The following GNB1 variants were observed in gnomAD, a reference collection of about 807,000 sequenced individuals.
GNB1 encodes the protein G protein subunit beta 1, also known as guanine nucleotide-binding protein G(I)/G(S)/G(T) subunit beta-1.
Under a neutral mutation model 42.9 loss-of-function variants are expected in GNB1, and 2 were observed. The ratio of observed to expected loss-of-function variants is 0.05; its 90% CI spans 0.02 to 0.15. The LOEUF (loss-of-function observed/expected upper bound fraction) is 0.15. Ranked by LOEUF, GNB1 falls within the 10% of genes least tolerant of loss-of-function variation. The pLI, the probability that GNB1 is intolerant of heterozygous loss-of-function variation, is 1.00. For missense variants in GNB1, 193 were observed against 462.2 expected (o/e 0.42, Z 5.34); for synonymous variants, 183 against 174.7 (o/e 1.05, Z -0.38).
At chr1:1,883,549 T>C (rs1418669921) in intron 1 of GNB1, among the ~76,000 whole-genome samples, 2 of 152,202 alleles carry the variant, frequency 1.3e-5, no homozygotes, top group Non-Finnish European at 2.9e-5. Context: ...AGCTAATCCT[T>C]GCACTGAGCT....
chr1:1,847,248 G>C (rs1048070649), intron 1 of GNB1, among the ~76,000 whole-genome samples: 1 of 152,178 alleles, frequency 6.6e-6, no homozygotes, highest in Admixed American at 6.5e-5. Flanking sequence ...AAGGGGAAGA[G>C]ATAAACACCA....
At chr1:1,804,964 A>G (rs952524795) in intron 6 of GNB1, among the ~76,000 whole-genome samples, 28 of 151,980 alleles carry the variant, frequency 1.8e-4, no homozygotes. Context: ...GTTCAAGACC[A>G]GCTTAGCCAA....
At chr1:1,849,370 A>G (rs1360013052) in intron 1 of GNB1, among the ~76,000 whole-genome samples, 2 of 152,220 alleles carry the variant, frequency 1.3e-5, no homozygotes, top group Non-Finnish European at 2.9e-5. Flanking sequence ...TCCATCTCAC[A>G]GGGCAGATCT....
intron 5 of GNB1, among the ~76,000 whole-genome samples, chr1:1,808,453 G>GT (rs1436106574): frequency 6.6e-6 from 1 of 152,148 alleles, no homozygotes; most frequent in African/African-American, 2.4e-5. Flanking sequence ...TGGGTGAAAG[G>GT]TAACTCCTGG....
chr1:1,812,239 C>T (rs564916325), intron 5 of GNB1, among the ~76,000 whole-genome samples: 1 of 151,798 alleles, frequency 6.6e-6, no homozygotes. Context: ...AGGAGAAATA[C>T]CTATGTAAAT....
intron 1 of GNB1, among the ~76,000 whole-genome samples, chr1:1,867,326 A>C (rs1648999068): frequency 6.6e-6 from 1 of 152,362 alleles, no homozygotes; most frequent in East Asian, 1.9e-4. Context: ...CACAGGCCTC[A>C]GGTTGGACAA....
chr1:1,852,279 A>C (rs1291846049), intron 1 of GNB1, among the ~76,000 whole-genome samples: 1 of 151,934 alleles, frequency 6.6e-6, no homozygotes, highest in African/African-American at 2.4e-5. Flanking sequence ...CCCAGGCTGG[A>C]ATGCAGTGGC....
At chr1:1,883,873 G>A (rs963171173) in intron 1 of GNB1, among the ~76,000 whole-genome samples, 1 of 151,870 alleles carries the variant, frequency 6.6e-6, no homozygotes, top group Non-Finnish European at 1.5e-5. Flanking sequence ...TCACTCCCTA[G>A]ATTTTAGGAA....
Position 1,817,874 on chromosome 1 carries a change from T to A in GNB1, c.59A>T (p.Asp20Val). 6.2e-7 allele frequency: 1 copy of A among 1,610,462 alleles called. No homozygotes were observed. The highest frequency in any genetic ancestry group is 8.5e-7 in the Non-Finnish European group (1 of 1,176,740). ...EAEQLKNQIRDARKACADATL... is the reference protein window; with the variant it reads ...EAEQLKNQIRVARKACADATL... ...TGCATCTGCACATGCTTTCCTGGCG[T>A]CCTGGGAAGCAAGGACAGTGAGAAA... The change falls in exon 4 of 12, where the codon GAC becomes GTC. Residue 20 changes from aspartate to valine, a missense_variant and splice_region_variant. Coordinates refer to ENST00000378609, the MANE Select transcript of GNB1 (RefSeq NM_002074.5).
intron 7 of GNB1, among the ~76,000 whole-genome samples, chr1:1,800,794 T>C (rs934036563): frequency 1.5e-4 from 18 of 119,796 alleles, no homozygotes; most frequent in Admixed American, 3.3e-4. Flanking sequence ...AAAAAAAGAG[T>C]CAACCCATAA....
At chr1:1,836,143 G>C (rs1430366707) in intron 2 of GNB1, among the ~76,000 whole-genome samples, 2 of 151,928 alleles carry the variant, frequency 1.3e-5, no homozygotes, top group East Asian at 3.9e-4. Flanking sequence ...TTTTCAAAAT[G>C]GTTATGCTGG....
At chr1:1,827,977 A>C (rs1465387456) in intron 2 of GNB1, among the ~76,000 whole-genome samples, 7 of 152,198 alleles carry the variant, frequency 4.6e-5, no homozygotes, top group Non-Finnish European at 7.3e-5. Flanking sequence ...TAAAAACAAC[A>C]AACTCCTGGG....
intron 2 of GNB1, among the ~76,000 whole-genome samples, chr1:1,828,360 G>C (rs1274528235): frequency 1.3e-5 from 2 of 152,170 alleles, no homozygotes; most frequent in Admixed American, 6.5e-5. Context: ...GGAGGGTGGT[G>C]GGTGGGTGTG....
intron 4 of GNB1, 54 bp from the exon 5 acceptor site, chr1:1,815,916 T>C (rs1646847867): frequency 9.4e-7 from 1 of 1,060,576 alleles, no homozygotes; most frequent in Non-Finnish European, 1.5e-6. Context: ...ACGATTCTCC[T>C]CATCACCCAT....
At chr1:1,817,588 T>C (rs1354335427) in intron 4 of GNB1, 3 of 339,268 alleles carry the variant, frequency 8.8e-6, no homozygotes, top group Non-Finnish European at 1.6e-5. Context: ...ACAATAACAA[T>C]ATTTTACAAC....
At chr1:1,843,944 C>T (rs1647469100) in intron 1 of GNB1, among the ~76,000 whole-genome samples, 3 of 151,998 alleles carry the variant, frequency 2.0e-5, no homozygotes, top group Non-Finnish European at 4.4e-5. Context: ...TCCTGTAATC[C>T]GAGCACTTTG....
intron 1 of GNB1, among the ~76,000 whole-genome samples, chr1:1,844,186 C>T (rs1223558056): frequency 1.3e-5 from 2 of 150,750 alleles, no homozygotes; most frequent in Non-Finnish European, 3.0e-5. Context: ...CAGAGCAAGA[C>T]TCCATCTCAA....
chr1:1,853,522 A>G (rs1648100918), intron 1 of GNB1, among the ~76,000 whole-genome samples: 1 of 152,194 alleles, frequency 6.6e-6, no homozygotes, highest in Non-Finnish European at 1.5e-5. Flanking sequence ...AATGAGAGCC[A>G]ATTTTTAAAG....
chr1:1,804,341 A>G (rs1402275061), intron 7 of GNB1, 78 bp downstream of exon 7: 1 of 886,574 alleles, frequency 1.1e-6, no homozygotes, highest in Non-Finnish European at 1.8e-6. Context: ...GATTGATAAA[A>G]AGTGAGTATC....
Sources: allele counts gnomAD v4.1 joint callset (sites outside exome capture counted in the v4.1 genomes callset), GRCh38; gene constraint gnomAD v4.1.1; transcripts MANE v1.5; gene names NCBI Gene and HGNC (gene_info 2026-07-23, HGNC 2026-07-21).